The following GREM2 variants were observed in gnomAD, a reference collection of about 807,000 sequenced individuals.
GREM2 encodes gremlin-2.
GREM2 carries 11 observed loss-of-function variants against 14.2 expected under a neutral mutation model. The observed-to-expected ratio is 0.78, with a 90% CI of 0.49 to 1.28. The LOEUF is 1.28. Ranked by LOEUF, GREM2 falls within the 50% of genes most tolerant of loss-of-function variation. GREM2 has a pLI of 0.00. For missense variants in GREM2, 210 were observed against 218.5 expected (o/e 0.96, Z 0.24); for synonymous variants, 98 against 97.6 (o/e 1.00, Z -0.02).
chr1:240,495,555 C>T (rs1932588), intron 1 of GREM2, among the ~76,000 whole-genome samples: 66,719 of 151,876 alleles, frequency 0.44, 14,935 homozygotes, highest in Non-Finnish European at 0.48. Context: ...CATGTATAGA[C>T]GTATTTAATG....
chr1:240,573,694 C>T (rs1169412538), intron 1 of GREM2, among the ~76,000 whole-genome samples: 1 of 152,174 alleles, frequency 6.6e-6, no homozygotes, highest in African/African-American at 2.4e-5. Context: ...CTGGATTCAA[C>T]ACCCAGTCCT....
chr1:240,513,380 A>T (rs4554711), intron 1 of GREM2, among the ~76,000 whole-genome samples: 90,663 of 151,800 alleles, frequency 0.6, 28,858 homozygotes, highest in African/African-American at 0.83. Context: ...ATCGAGATCA[A>T]CCTGGCCAAC....
At chr1:240,552,154 T>G (rs922428210) in intron 1 of GREM2, among the ~76,000 whole-genome samples, 3 of 152,184 alleles carry the variant, frequency 2.0e-5, no homozygotes, top group African/African-American at 7.2e-5. Flanking sequence ...TGATACCAAA[T>G]TCAGTCCTCT....
chr1:240,514,963 CACAA>C (rs1677920663), intron 1 of GREM2, among the ~76,000 whole-genome samples: 1 of 85,184 alleles, frequency 1.2e-5, no homozygotes, highest in African/African-American at 4.1e-5. Context: ...AACAAACAAA[CACAA>C]AAAAAAAACT....
intron 1 of GREM2, among the ~76,000 whole-genome samples, chr1:240,556,948 T>A (rs1363347915): frequency 6.6e-6 from 1 of 152,040 alleles, no homozygotes; most frequent in Non-Finnish European, 1.5e-5. Context: ...GGTGGGTGGA[T>A]TGCCTGAGCT....
At chr1:240,517,518 T>A (rs1286498086) in intron 1 of GREM2, among the ~76,000 whole-genome samples, 1 of 152,230 alleles carries the variant, frequency 6.6e-6, no homozygotes, top group African/African-American at 2.4e-5. Context: ...GAATGGGAAT[T>A]ATAGTTGTGA....
intron 1 of GREM2, chr1:240,531,547 G>A (rs529592757): frequency 2.9e-6 from 2 of 700,724 alleles, no homozygotes; most frequent in Admixed American, 6.3e-5. Context: ...CATTGGAAAA[G>A]AAAAGCTTCC....
chr1:240,551,097 G>T (rs956600216), intron 1 of GREM2, among the ~76,000 whole-genome samples: 1 of 152,128 alleles, frequency 6.6e-6, no homozygotes, highest in Non-Finnish European at 1.5e-5. Context: ...AATTGAGCTG[G>T]TTTCTCATCT....
At position 240,591,539 on chromosome 1, in the gene GREM2, G is replaced by A. The variant is rs552439710; in HGVS notation, c.-2+20345C>T. Among the ~76,000 whole-genome samples, 7 of 152,242 alleles carry A rather than the reference G, an allele frequency of 4.6e-5. No homozygotes were observed. In the East Asian group the frequency reaches 1.4e-3, roughly 29 times the overall value. On this transcript the variant is annotated intron_variant, in intron 1 of 1. Transcript: ENST00000318160. Reference sequence around the variant, plus strand: ...CATGTTAGTCGACGCTCACGTTTTGGCGGAATTTCCTCTTGGTACATTTAT... The same window carrying A: ...CATGTTAGTCGACGCTCACGTTTTGACGGAATTTCCTCTTGGTACATTTAT...
At chr1:240,593,451 C>T (rs1679750143) in intron 1 of GREM2, among the ~76,000 whole-genome samples, 1 of 152,206 alleles carries the variant, frequency 6.6e-6, no homozygotes, top group South Asian at 2.1e-4. Context: ...GGAAGACCAA[C>T]ATATAACTTA....
chr1:240,558,951 G>A (rs1043120637), intron 1 of GREM2, among the ~76,000 whole-genome samples: 6 of 151,830 alleles, frequency 4.0e-5, no homozygotes, highest in Non-Finnish European at 7.4e-5. Context: ...GATTCCCCTC[G>A]CTGTCTCTGT....
At chr1:240,505,784 A>G (rs1363035685) in intron 1 of GREM2, among the ~76,000 whole-genome samples, 2 of 152,006 alleles carry the variant, frequency 1.3e-5, no homozygotes, top group Non-Finnish European at 2.9e-5. Flanking sequence ...AAAGCCTTTT[A>G]TATATAAAAC....
Position 240,562,795 on chromosome 1 carries a change from ATG to A in GREM2, c.-2+49087_-2+49088del, listed in dbSNP as rs1432656746. Among the ~76,000 whole-genome samples, 4 of 149,428 alleles carry A rather than the reference ATG, an allele frequency of 2.7e-5. 1 individual carries two copies. Among genetic ancestry groups the A allele is most frequent in the African/African-American group, 9.9e-5 (4 of 40,406 alleles). On this transcript the variant is annotated intron_variant, in intron 1 of 1. Transcript: ENST00000318160. Reference sequence around the variant, plus strand: ...TGTGTGTATGAGTGTGTATGTGTGTATGTGAGTGTGTATGTGTGTATTGTGTA... The same window carrying A: ...TGTGTGTATGAGTGTGTATGTGTGTATGAGTGTGTATGTGTGTATTGTGTA...
chr1:240,511,780 G>A (rs1677839176), intron 1 of GREM2, among the ~76,000 whole-genome samples: 2 of 152,132 alleles, frequency 1.3e-5, no homozygotes, highest in Admixed American at 1.3e-4. Context: ...AGGGACTTGA[G>A]CGTCCGTGGA....
intron 1 of GREM2, among the ~76,000 whole-genome samples, chr1:240,600,912 T>C (rs375366236): frequency 6.6e-6 from 1 of 152,226 alleles, no homozygotes; most frequent in South Asian, 2.1e-4. Context: ...AATGAATCAA[T>C]GGTTTTGTTT....
intron 1 of GREM2, among the ~76,000 whole-genome samples, chr1:240,534,359 G>T (rs1278803403): frequency 6.6e-6 from 1 of 152,176 alleles, no homozygotes; most frequent in Non-Finnish European, 1.5e-5. Flanking sequence ...ACCCTGAAAG[G>T]GTTCTGCTCT....
At chr1:240,557,927 A>C (rs1434577443) in intron 1 of GREM2, among the ~76,000 whole-genome samples, 1 of 152,212 alleles carries the variant, frequency 6.6e-6, no homozygotes, top group Non-Finnish European at 1.5e-5. Context: ...AGGTAAGTAG[A>C]AAGAAAATGA....
chr1:240,588,189 T>C (rs1359261435), intron 1 of GREM2, among the ~76,000 whole-genome samples: 1 of 152,188 alleles, frequency 6.6e-6, no homozygotes, highest in Non-Finnish European at 1.5e-5. Context: ...TTTGCACTGT[T>C]TTTCAGTGTT....
chr1:240,546,204 T>C (rs746787003), intron 1 of GREM2, among the ~76,000 whole-genome samples: 36 of 152,070 alleles, frequency 2.4e-4, no homozygotes, highest in Non-Finnish European at 4.7e-4. Flanking sequence ...CCAGGCATGG[T>C]GGCACATGCC....
Sources: gnomAD v4.1 joint callset for allele counts (sites outside exome capture counted in the v4.1 genomes callset) on GRCh38, gnomAD v4.1.1 for gene constraint, MANE v1.5 for transcripts, NCBI Gene and HGNC (gene_info 2026-07-23, HGNC 2026-07-21) for gene names.